Variants in XRCC6 observed in about 807,000 individuals in gnomAD.
XRCC6 encodes the protein X-ray repair cross complementing 6.
A neutral mutation model predicts 65.7 loss-of-function variants in XRCC6; 5 were observed. The observed-to-expected ratio is 0.08, with a 90% CI of 0.04 to 0.16. The LOEUF is 0.16. Among genes scored for constraint, XRCC6 ranks in the 10% least tolerant of loss-of-function variants. XRCC6 has a pLI of 1.00. For missense variants in XRCC6, 447 were observed against 738.1 expected, an observed-to-expected ratio of 0.61 and a Z score of 4.57; for synonymous variants, 270 against 270.6, an observed-to-expected ratio of 1.00 and a Z score of 0.02.
chr22:41,652,737 T>C (rs1264926510), intron 8 of XRCC6, among the ~76,000 whole-genome samples: 1 of 152,024 alleles, frequency 6.6e-6, no homozygotes, highest in Non-Finnish European at 1.5e-5. Flanking sequence ...GCAGTGGCAA[T>C]GTCTCTGCTC....
intron 2 of XRCC6, 45 bp from the exon 3 acceptor site, chr22:41,628,073 T>TA: frequency 7.4e-7 from 1 of 1,358,308 alleles, no homozygotes; most frequent in Non-Finnish European, 1.0e-6. Flanking sequence ...GGTAAACAAA[T>TA]ACGAAAACAA....
intron 3 of XRCC6, among the ~76,000 whole-genome samples, chr22:41,635,821 A>C (rs2067803504): frequency 1.3e-5 from 2 of 152,082 alleles, no homozygotes; most frequent in African/African-American, 4.8e-5. Flanking sequence ...GGATTGCTAC[A>C]GATGTGAGCC....
intron 8 of XRCC6, 31 bp downstream of exon 8, chr22:41,650,922 C>CTAACACACAGT: frequency 6.2e-7 from 1 of 1,611,928 alleles, no homozygotes; most frequent in Non-Finnish European, 8.5e-7. Flanking sequence ...ATGAGTGACT[C>CTAACACACAGT]TAACACACAG....
At chr22:41,643,207 G>C (rs997624590) in intron 6 of XRCC6, among the ~76,000 whole-genome samples, 1 of 151,024 alleles carries the variant, frequency 6.6e-6, no homozygotes, top group Non-Finnish European at 1.5e-5. Flanking sequence ...TCAGGAGTTC[G>C]AGACCAGCCA....
At chr22:41,657,665 T>G (rs2068058099) in intron 10 of XRCC6, among the ~76,000 whole-genome samples, 1 of 151,382 alleles carries the variant, frequency 6.6e-6, no homozygotes, top group South Asian at 2.1e-4. Context: ...GACCATACCC[T>G]TGCACCACCA....
In XRCC6 at chr22:41,627,727, A is replaced by G. The variant is rs1414080642; in HGVS notation, c.83-391A>G. ...ATCTCTACAGTAAACTTAAAAAATT[A>G]GCTGGTCATGGTGGCACACACCTGT... On this transcript the variant is annotated intron_variant, in intron 2 of 12. Coordinates refer to ENST00000360079, the MANE Select transcript of XRCC6 (RefSeq NM_001469.5). 1.3e-5 allele frequency among the ~76,000 whole-genome samples: 2 copies of G among 152,106 alleles called. 1 individual carries two copies. The highest frequency in any genetic ancestry group is 4.8e-5 in the African/African-American group (2 of 41,516).
rs371976205 is a variant in XRCC6 at position 41,637,806 on chromosome 22, C to T, written c.773+15C>T. 43 of 1,611,468 alleles carry T rather than the reference C, an allele frequency of 2.7e-5. No homozygotes were observed. The highest frequency in any genetic ancestry group is 1.2e-4 in the African/African-American group (9 of 74,770). On this transcript the variant is annotated intron_variant, in intron 6 of 12. Transcript: ENST00000360079. ...GCACTCAGCAGGTGTGCACTCAGCC[C>T]GGGTCAGCTGCCTACACTGCCCTTA...
chr22:41,636,506 C>A lies in XRCC6; in HGVS notation c.335-10C>A. The A allele has an allele frequency of 6.2e-7, 1 of 1,613,316 alleles. No homozygotes were observed. Among genetic ancestry groups the A allele is most frequent in the Non-Finnish European group, 8.5e-7 (1 of 1,179,488 alleles). On this transcript the variant is annotated splice_polypyrimidine_tract_variant and intron_variant, in intron 4 of 12. Transcript: ENST00000360079. ...TTTTTCTTTCCATTTGACTCCCTGC[C>A]TCTGATCAGGTGCAAAACGAATTCT...
In XRCC6 at chr22:41,636,154, T is replaced by C. The variant is rs2067807390; in HGVS notation, c.237T>C (p.Asp79=). Residue 79 remains aspartate, a synonymous_variant, in exon 4 of 13, where the codon GAT becomes GAC. Transcript: ENST00000360079. The stretch of plus-strand genomic sequence containing the variant: ...ACATCAGTAAGATCATAAGCAGTGA[T>C]CGAGATCTCTTGGCTGTGGTGTTCT... ...SVYISKIISS[D]RDLLAVVFYG... is the part of the protein sequence containing the mutation. 1 of 1,602,048 alleles carries C rather than the reference T, an allele frequency of 6.2e-7. No homozygotes were observed. The highest frequency in any genetic ancestry group is 1.8e-5 in the Admixed American group (1 of 56,106).
chr22:41,637,857 G>A, intron 6 of XRCC6, 66 bp downstream of exon 6: 2 of 1,516,594 alleles, frequency 1.3e-6, no homozygotes, highest in South Asian at 1.3e-5. Context: ...GGGCGCGGTG[G>A]CTCACACCTG....
chr22:41,653,917 G>A (rs901347010), intron 9 of XRCC6, among the ~76,000 whole-genome samples: 11 of 152,176 alleles, frequency 7.2e-5, no homozygotes, highest in Non-Finnish European at 1.5e-4. Flanking sequence ...CTGCAGCTAG[G>A]ATAGAGAAAT....
intron 8 of XRCC6, among the ~76,000 whole-genome samples, chr22:41,652,184 G>A (rs1227127050): frequency 2.6e-5 from 4 of 152,098 alleles, no homozygotes; most frequent in African/African-American, 4.8e-5. Flanking sequence ...TTTTTCTCCA[G>A]TGTTGGAAAT....
At chr22:41,637,935 G>T (rs1001169044) in intron 6 of XRCC6, 144 bp downstream of exon 6, 12 of 697,938 alleles carry the variant, frequency 1.7e-5, no homozygotes, top group Admixed American at 3.7e-5. Flanking sequence ...ACCAGCTTGG[G>T]CAACATGGCA....
chr22:41,662,502 CAGTT>C (rs2068108869), intron 12 of XRCC6, among the ~76,000 whole-genome samples: 1 of 152,116 alleles, frequency 6.6e-6, no homozygotes, highest in African/African-American at 2.4e-5. Context: ...ATATGTTGGA[CAGTT>C]ATTTATATCC....
At chr22:41,656,516 CAA>C (rs879533269) in intron 9 of XRCC6, among the ~76,000 whole-genome samples, 2 of 125,528 alleles carry the variant, frequency 1.6e-5, no homozygotes, top group African/African-American at 3.0e-5. Flanking sequence ...AACTCCATCT[CAA>C]AAAAAAAAAA....
chr22:41,628,040 T>C (rs1056166757), intron 2 of XRCC6, 78 bp from the exon 3 acceptor site: 7 of 935,910 alleles, frequency 7.5e-6, no homozygotes, highest in Non-Finnish European at 1.1e-5. Context: ...TACTTTCCTT[T>C]ATGGCCTTTA....
chr22:41,658,128 C>T, intron 10 of XRCC6, 124 bp from the exon 11 acceptor site: 1 of 888,534 alleles, frequency 1.1e-6, no homozygotes, highest in Non-Finnish European at 1.8e-6. Context: ...CTGACCTCAA[C>T]TGTTTTACTT....
rs181772943 is a variant in XRCC6, at chr22:41,623,884, G to A, written c.82+1798G>A. Among the ~76,000 whole-genome samples the A allele has an allele frequency of 3.5e-3, 525 of 152,020 alleles. 3 individuals are homozygous for A. Among genetic ancestry groups the A allele is most frequent in the African/African-American group, 0.012 (498 of 41,490 alleles). On this transcript the variant is annotated intron_variant, in intron 2 of 12. Coordinates refer to ENST00000360079, the MANE Select transcript of XRCC6 (RefSeq NM_001469.5). Reference sequence around the variant, plus strand: ...GACAGGCGTGTGCGCCACCACACTCGGCTAATTTTTGTATTTTTAGTAGAG... The same window carrying A: ...GACAGGCGTGTGCGCCACCACACTCAGCTAATTTTTGTATTTTTAGTAGAG...
intron 5 of XRCC6, 114 bp downstream of exon 5, chr22:41,636,884 A>T (rs1723612985): frequency 2.2e-6 from 3 of 1,379,360 alleles, no homozygotes. Flanking sequence ...AGTAGCTGGG[A>T]CTATAAGCAT....
Sources: allele counts gnomAD v4.1 joint callset (sites outside exome capture counted in the v4.1 genomes callset), GRCh38; gene constraint gnomAD v4.1.1; transcripts MANE v1.5; gene names NCBI Gene and HGNC (gene_info 2026-07-23, HGNC 2026-07-21).